CTDSPL2: variants seen among roughly 807,000 people sequenced by gnomAD.
CTDSPL2 encodes CTD small phosphatase-like protein 2.
CTDSPL2 carries 5 observed loss-of-function variants against 60.0 expected under a neutral mutation model. That is an observed-to-expected ratio of 0.08 (90% CI 0.04 to 0.18). CTDSPL2 has a LOEUF of 0.18. Among genes scored for constraint, CTDSPL2 ranks in the 10% least tolerant of loss-of-function variants. CTDSPL2 has a pLI of 1.00. For missense variants in CTDSPL2, 370 were observed against 548.8 expected (o/e 0.67, Z 3.26); for synonymous variants, 186 against 189.3 (o/e 0.98, Z 0.14).
At chr15:44,432,704 C>T (rs1244923189) in intron 1 of CTDSPL2, among the ~76,000 whole-genome samples, 1 of 152,058 alleles carries the variant, frequency 6.6e-6, no homozygotes, top group African/African-American at 2.4e-5. Flanking sequence ...AGTGCAACCT[C>T]TGCCTCCCAG....
chr15:44,438,428 G>C (rs2080020785), intron 1 of CTDSPL2, among the ~76,000 whole-genome samples: 2 of 152,246 alleles, frequency 1.3e-5, no homozygotes, highest in Admixed American at 1.3e-4. Flanking sequence ...GCCCAGGATC[G>C]ATTTAAAGGG....
intron 8 of CTDSPL2, among the ~76,000 whole-genome samples, chr15:44,504,548 T>C (rs901560162): frequency 6.6e-6 from 1 of 152,170 alleles, no homozygotes; most frequent in African/African-American, 2.4e-5. Flanking sequence ...ATGCACATTG[T>C]TCTTGAGATT....
chr15:44,515,980 CTTTTTCTTTT>C (rs2081647156), intron 10 of CTDSPL2, among the ~76,000 whole-genome samples: 1 of 145,150 alleles, frequency 6.9e-6, no homozygotes, highest in Admixed American at 6.8e-5. Context: ...TTCTTTCTTT[CTTTTTCTTTT>C]TTTTTTTTTT....
chr15:44,460,205 A>C (rs1359083179), intron 2 of CTDSPL2, among the ~76,000 whole-genome samples: 2 of 151,958 alleles, frequency 1.3e-5, no homozygotes, highest in Non-Finnish European at 2.9e-5. Flanking sequence ...CTGCCTCCCG[A>C]GTTCAAGTGA....
chr15:44,467,176 C>A (rs1231916136), intron 2 of CTDSPL2, among the ~76,000 whole-genome samples: 1 of 152,196 alleles, frequency 6.6e-6, no homozygotes, highest in African/African-American at 2.4e-5. Flanking sequence ...GCACATAGCA[C>A]CCAGATCTTG....
At chr15:44,466,124 A>G (rs969156148) in intron 2 of CTDSPL2, among the ~76,000 whole-genome samples, 4 of 151,730 alleles carry the variant, frequency 2.6e-5, no homozygotes, top group Non-Finnish European at 5.9e-5. Context: ...TTTAGTAGAG[A>G]CGGGGTTTCA....
intron 2 of CTDSPL2, among the ~76,000 whole-genome samples, chr15:44,479,640 C>G (rs1595741470): frequency 1.3e-5 from 2 of 152,020 alleles, no homozygotes; most frequent in South Asian, 2.1e-4. Context: ...AACTCCTGGC[C>G]TCAAGTGAGG....
intron 2 of CTDSPL2, among the ~76,000 whole-genome samples, chr15:44,479,407 C>CTTTTTTTT (rs11414036): frequency 4.1e-5 from 4 of 97,890 alleles, no homozygotes; most frequent in Admixed American, 2.2e-4. Flanking sequence ...ATTTTCTTTC[C>CTTTTTTTT]TTTTTTTTTT....
chr15:44,482,812 A>G (rs1053620512), intron 2 of CTDSPL2, among the ~76,000 whole-genome samples: 1 of 152,236 alleles, frequency 6.6e-6, no homozygotes, highest in Non-Finnish European at 1.5e-5. Context: ...GGGTAAAAAC[A>G]TTAAATACAA....
chr15:44,505,841 C>T (rs1374215291), intron 8 of CTDSPL2, among the ~76,000 whole-genome samples: 1 of 151,562 alleles, frequency 6.6e-6, no homozygotes, highest in Non-Finnish European at 1.5e-5. Context: ...AAATTGGAGG[C>T]TTCATTTCCT....
intron 11 of CTDSPL2, chr15:44,519,508 C>A (rs1190444777): frequency 1.5e-5 from 6 of 392,364 alleles, no homozygotes; most frequent in Non-Finnish European, 2.7e-5. Context: ...TGAAGAAAAA[C>A]CTGAGTAAGA....
intron 2 of CTDSPL2, among the ~76,000 whole-genome samples, chr15:44,470,843 A>G (rs2080793459): frequency 6.6e-6 from 1 of 152,106 alleles, no homozygotes; most frequent in South Asian, 2.1e-4. Context: ...GATTTGTCCC[A>G]TCTTTTGTTT....
chr15:44,483,033 G>C (rs950404315), intron 2 of CTDSPL2, among the ~76,000 whole-genome samples: 13 of 152,088 alleles, frequency 8.5e-5, no homozygotes, highest in Non-Finnish European at 1.8e-4. Flanking sequence ...GGCCGAGGCA[G>C]GCGAATCACG....
intron 1 of CTDSPL2, among the ~76,000 whole-genome samples, chr15:44,446,204 A>G (rs1272442418): frequency 2.0e-5 from 3 of 152,048 alleles, no homozygotes; most frequent in South Asian, 4.2e-4. Context: ...GATTACAGGT[A>G]TGAACCACCA....
At chr15:44,460,045 A>G (rs8035906) in intron 2 of CTDSPL2, among the ~76,000 whole-genome samples, 6,188 of 152,254 alleles carry the variant, frequency 0.041, 458 homozygotes, top group African/African-American at 0.14. Context: ...TGCTTCGTCT[A>G]TCTCAGAGTT....
intron 1 of CTDSPL2, among the ~76,000 whole-genome samples, chr15:44,455,839 ATTTTTTTTT>A (rs35307134): frequency 6.3e-5 from 3 of 47,510 alleles, no homozygotes; most frequent in Non-Finnish European, 7.2e-5. Context: ...TTTATTGAGG[ATTTTTTTTT>A]TTTTTTTTTT....
chr15:44,442,179 G>A (rs750306388), intron 1 of CTDSPL2, among the ~76,000 whole-genome samples: 1 of 152,076 alleles, frequency 6.6e-6, no homozygotes, highest in African/African-American at 2.4e-5. Context: ...GGCCAGGTGC[G>A]GTGGCTCATG....
At chr15:44,497,315 T>G (rs1177516129) in intron 7 of CTDSPL2, among the ~76,000 whole-genome samples, 177 bp downstream of exon 7, 6 of 152,202 alleles carry the variant, frequency 3.9e-5, no homozygotes, top group Non-Finnish European at 8.8e-5. Flanking sequence ...CTTATTCTTA[T>G]TTTTACATAT....
In CTDSPL2 at chr15:44,521,248, AC is replaced by A. The variant is rs2081761880; in HGVS notation, c.1240-62del. ...TTAATAAATCTTTGTTTATTTTTTA[AC>A]TTTTTCCAAACTAGGTAAAATATAA... On this transcript the variant is annotated intron_variant, in intron 11 of 12. Transcript: ENST00000260327. The A allele has an allele frequency of 7.5e-6, 6 of 798,778 alleles. No homozygotes were observed. The South Asian group carries it at 1.0e-4, about 14-fold the overall frequency. The allele number at this position is 798,778 out of a possible 1,614,324, so 49.5% of individuals were successfully genotyped here. A position where few individuals can be genotyped will look rare whatever the true frequency, so the allele number is the denominator to read the frequency against.
Sources: allele counts gnomAD v4.1 joint callset (sites outside exome capture counted in the v4.1 genomes callset), GRCh38; gene constraint gnomAD v4.1.1; transcripts MANE v1.5; gene names NCBI Gene and HGNC (gene_info 2026-07-23, HGNC 2026-07-21).